The following TSEN34 variants were observed in gnomAD, a reference collection of about 807,000 sequenced individuals.
TSEN34 encodes tRNA-splicing endonuclease subunit Sen34.
In TSEN34, 25 loss-of-function variants were observed where a neutral mutation model predicts 30.2. The observed-to-expected ratio is 0.83, with a 90% confidence interval of 0.60 to 1.16. TSEN34 has a LOEUF of 1.16. Among genes scored for constraint, TSEN34 ranks in the 50% most tolerant of loss-of-function variants. The pLI is 0.00. For missense variants in TSEN34, 475 were observed against 411.9 expected (o/e 1.15, Z -1.33); for synonymous variants, 209 against 177.4 (o/e 1.18, Z -1.41).
chr19:54,191,279 G>T, upstream of TSEN34: 1 of 1,534,658 alleles, frequency 6.5e-7, no homozygotes, highest in Non-Finnish European at 8.8e-7. Flanking sequence ...GCTTCGCCGA[G>T]ACCCCGGAGG....
At chr19:54,191,136 T>C (rs1287130616), upstream of TSEN34, 3 of 1,349,848 alleles carry the variant, frequency 2.2e-6, no homozygotes, top group East Asian at 3.0e-5. Context: ...GGTCGGGGGC[T>C]TGTCTCCGGC....
At chr19:54,189,922 C>G (rs1443878331), upstream of TSEN34, 2 of 259,022 alleles carry the variant, frequency 7.7e-6, no homozygotes, top group Non-Finnish European at 1.5e-5. Flanking sequence ...CAGACTCGGC[C>G]GGATGTGGGT....
chr19:54,193,838 T>C lies in TSEN34; in HGVS notation c.*476T>C, dbSNP rs1016472267. 1.0e-5 allele frequency: 6 copies of C among 601,222 alleles called. No homozygotes were observed. Among genetic ancestry groups the C allele is most frequent in the South Asian group, 6.1e-5 (3 of 49,226 alleles). The allele number at this position is 601,222 out of a possible 1,614,324, so 37.2% of individuals were successfully genotyped here. On this transcript the variant is annotated 3_prime_UTR_variant, in exon 4 of 4. Coordinates refer to ENST00000396388, the MANE Select transcript of TSEN34 (RefSeq NM_001077446.4). ...TTTCTGACTCCTAAATCTGCACTCT[T>C]TCTACCTCACTAAACTTCCTTTTGA...
rs1360908824 is a variant in TSEN34, at chr19:54,193,823, CTAA to C, written c.*462_*464del. 8.0e-6 allele frequency: 5 copies of C among 622,530 alleles called. No homozygotes were observed. Among genetic ancestry groups the C allele is most frequent in the Non-Finnish European group, 1.1e-5 (4 of 348,716 alleles). The allele number at this position is 622,530 out of a possible 1,614,324, so 38.6% of individuals were successfully genotyped here. On this transcript the variant is annotated 3_prime_UTR_variant, in exon 4 of 4. Coordinates refer to ENST00000396388, the MANE Select transcript of TSEN34 (RefSeq NM_001077446.4). Reference sequence around the variant, plus strand: ...CTTTCAAAATTGGTTTTTCTGACTCCTAAATCTGCACTCTTTCTACCTCACTAA... The same window carrying C: ...CTTTCAAAATTGGTTTTTCTGACTCCATCTGCACTCTTTCTACCTCACTAA...
At chr19:54,191,046 G>A (rs2076659532), upstream of TSEN34, 16 of 1,239,856 alleles carry the variant, frequency 1.3e-5, no homozygotes, top group South Asian at 3.4e-4. Context: ...TGGTAGGTAC[G>A]GCAGTGCGGG....
Position 54,191,510 on chromosome 19 carries a change from C to G in TSEN34, c.146C>G (p.Pro49Arg). The G allele has an allele frequency of 1.3e-6, 2 of 1,586,842 alleles. No homozygotes were observed. The highest frequency in any genetic ancestry group is 1.1e-5 in the South Asian group (1 of 89,414). ...GPRQNSRLGL[P>R]LLLMPEEARL... is the part of the protein sequence containing the mutation. Reference sequence around the variant, plus strand: ...CGCCAGAACTCGCGCCTGGGCCTCCCGCTGCTGCTGATGCCCGAAGAGGCG... The same window carrying G: ...CGCCAGAACTCGCGCCTGGGCCTCCGGCTGCTGCTGATGCCCGAAGAGGCG... The change falls in exon 1 of 4, where the codon CCG becomes CGG. Residue 49 changes from proline (P) to arginine (R), a missense_variant. Physicochemically the swap from Pro to Arg is moderately radical, Grantham distance 103. Transcript: ENST00000396388.
At chr19:54,190,730 C>G, upstream of TSEN34, 2 of 1,201,872 alleles carry the variant, frequency 1.7e-6, no homozygotes, top group Non-Finnish European at 2.1e-6. Context: ...TTCGGTGGAG[C>G]CGAGGACGCC....
Position 54,191,312 on chromosome 19 carries a change from C to A in TSEN34, c.-53C>A, listed in dbSNP as rs593073. On this transcript the variant is annotated 5_prime_UTR_variant, in exon 1 of 4. Coordinates refer to ENST00000396388, the MANE Select transcript of TSEN34 (RefSeq NM_001077446.4). ...AGGCTTTGGGTGCGCTGCAGCGGTCCGCGGCGCGCAGCTGTTTCGGTAACT... is the reference window on the plus strand; with the variant it reads ...AGGCTTTGGGTGCGCTGCAGCGGTCAGCGGCGCGCAGCTGTTTCGGTAACT... 3.9e-6 allele frequency: 6 copies of A among 1,546,700 alleles called. No individual in the cohort carries two copies. The highest frequency in any genetic ancestry group is 5.2e-6 in the Non-Finnish European group (6 of 1,145,874).
chr19:54,192,425 T>G, intron 3 of TSEN34, 52 bp downstream of exon 3: 1 of 1,602,600 alleles, frequency 6.2e-7, no homozygotes. Flanking sequence ...ACGATCCCAA[T>G]GTATTCTGCG....
At position 54,191,464 on chromosome 19, in the gene TSEN34, G is replaced by T; in HGVS notation, c.100G>T (p.Gly34Cys). Residue 34 changes from glycine (G) to cysteine (C), a missense_variant, in exon 1 of 4, where the codon GGC becomes TGC. Coordinates refer to ENST00000396388, the MANE Select transcript of TSEN34 (RefSeq NM_001077446.4). ...ERLGVGGRTV[G>C]ALPRGPRQNS... is the part of the protein sequence containing the mutation. ...CCTGGGTGTGGGGGGCCGCACGGTA[G>T]GCGCCCTGCCCCGCGGGCCCCGCCA... 6.5e-7 allele frequency: 1 copy of T among 1,548,788 alleles called. No individual in the cohort carries two copies. The highest frequency in any genetic ancestry group is 1.2e-5 in the South Asian group (1 of 85,154).
intron 1 of TSEN34, 45 bp from the exon 2 acceptor site, chr19:54,191,676 G>A (rs779261043): frequency 6.2e-7 from 1 of 1,612,522 alleles, no homozygotes; most frequent in Non-Finnish European, 8.5e-7. Context: ...CCTGGCTTCT[G>A]AAGGGACCAT....
In TSEN34 at chr19:54,192,200, G is replaced by A; in HGVS notation, c.572G>A (p.Arg191Lys). The change falls in exon 3 of 4, where the codon AGG becomes AAG. Residue 191 changes from arginine to lysine, a missense_variant. Arg to Lys is a conservative substitution (Grantham distance 26, BLOSUM62 2). Transcript: ENST00000396388. ...CTCCTTGTCCAGCTGGCCACTGCCA[G>A]GCCTCGACCGGTCAAGGCCAGGCCC... ...SALLVQLATA[R>K]PRPVKARPLD... 3.1e-6 allele frequency: 5 copies of A among 1,614,164 alleles called. No homozygotes were observed. The highest frequency in any genetic ancestry group is 4.2e-6 in the Non-Finnish European group (5 of 1,180,004).
In TSEN34 at chr19:54,193,587, A is replaced by AT; in HGVS notation, c.*226dup. On this transcript the variant is annotated 3_prime_UTR_variant, in exon 4 of 4. Transcript: ENST00000396388. ...TTTTCACACTGTGAGCTTCCCGAGA[A>AT]TGGGGCCTGGGTTTGATTCATCTGT... 6.8e-7 allele frequency: 1 copy of AT among 1,477,616 alleles called. No homozygotes were observed. The highest frequency in any genetic ancestry group is 9.1e-7 in the Non-Finnish European group (1 of 1,093,794). The allele number at this position is 1,477,616 out of a possible 1,614,324, so 91.5% of individuals were successfully genotyped here.
At chr19:54,190,823 TCA>T, upstream of TSEN34, 1 of 1,065,414 alleles carries the variant, frequency 9.4e-7, no homozygotes, top group South Asian at 4.0e-5. Flanking sequence ...GAAAGCCGAA[TCA>T]CAGTCGTTCG....
At position 54,194,033 on chromosome 19, in the gene TSEN34, C is replaced by T. The variant is rs994104782; in HGVS notation, c.*671C>T. ...CTCTGGCAACATTGTAATACCCAGT[C>T]TCTACAAAAAATAATTTAAAAAAAA... On this transcript the variant is annotated 3_prime_UTR_variant, in exon 4 of 4. Transcript: ENST00000396388. 35 of 207,234 alleles carry T rather than the reference C, an allele frequency of 1.7e-4. No homozygotes were observed. In the Admixed American group the frequency reaches 1.7e-3, roughly 10 times the overall value. The allele number at this position is 207,234 out of a possible 1,614,324, so 12.8% of individuals were successfully genotyped here. A position where few individuals can be genotyped will look rare whatever the true frequency, so the allele number is the denominator to read the frequency against.
chr19:54,190,690 T>C (rs372729107), upstream of TSEN34: 6 of 1,232,656 alleles, frequency 4.9e-6, no homozygotes, highest in Non-Finnish European at 3.0e-6. Flanking sequence ...GTCAAATTGC[T>C]GGCGTTCGAG....
rs995267203 is a variant in TSEN34 at position 54,191,456 on chromosome 19, G to A, written c.92G>A (p.Arg31His). Residue 31 changes from arginine to histidine, a missense_variant, in exon 1 of 4, where the codon CGC (arginine) becomes CAC (histidine). By Grantham distance (29) the Arg-to-His change is conservative. Coordinates refer to ENST00000396388, the MANE Select transcript of TSEN34 (RefSeq NM_001077446.4). Reference protein sequence around the residue: ...ALRERLGVGGRTVGALPRGPR... With the variant: ...ALRERLGVGGHTVGALPRGPR... ...CGGGAGCGCCTGGGTGTGGGGGGCCGCACGGTAGGCGCCCTGCCCCGCGGG... is the reference window on the plus strand; with the variant it reads ...CGGGAGCGCCTGGGTGTGGGGGGCCACACGGTAGGCGCCCTGCCCCGCGGG... 2 of 1,547,410 alleles carry A rather than the reference G, an allele frequency of 1.3e-6. No homozygotes were observed.
chr19:54,190,829 T>A, upstream of TSEN34: 1 of 1,062,080 alleles, frequency 9.4e-7, no homozygotes, highest in South Asian at 4.0e-5. Flanking sequence ...CGAATCACAG[T>A]CGTTCGGAAA....
upstream of TSEN34, chr19:54,190,301 G>T: frequency 7.0e-7 from 1 of 1,435,402 alleles, no homozygotes; most frequent in Non-Finnish European, 9.5e-7. Context: ...GCATGAGGGG[G>T]TGGAGCAAGG....
Sources: gnomAD v4.1 joint callset for allele counts on GRCh38, gnomAD v4.1.1 for gene constraint, MANE v1.5 for transcripts, NCBI Gene and HGNC (gene_info 2026-07-23, HGNC 2026-07-21) for gene names.